The following GRIK3 variants were observed in gnomAD, a reference collection of about 807,000 sequenced individuals.
GRIK3 encodes glutamate ionotropic receptor kainate type subunit 3.
GRIK3 carries 29 observed loss-of-function variants against 102.5 expected under a neutral mutation model. The ratio of observed to expected loss-of-function variants is 0.28; its 90% CI spans 0.21 to 0.39. GRIK3 has a LOEUF of 0.39. GRIK3 is among the 10% of genes least tolerant of loss of function. The pLI, the probability that GRIK3 is intolerant of heterozygous loss-of-function variation, is 1.00. For synonymous variants in GRIK3, 511 were observed against 504.9 expected (o/e 1.01, Z -0.16); for missense variants, 908 against 1,252.4 (o/e 0.73, Z 4.15).
intron 9 of GRIK3, among the ~76,000 whole-genome samples, chr1:36,842,394 C>T (rs1001919654): frequency 1.3e-5 from 2 of 152,204 alleles, no homozygotes; most frequent in Non-Finnish European, 2.9e-5. Flanking sequence ...GAGAGCCCAG[C>T]GATCTGTGTT....
intron 7 of GRIK3, 99 bp downstream of exon 7, chr1:36,859,009 G>T (rs927039360): frequency 1.8e-6 from 2 of 1,100,316 alleles, no homozygotes; most frequent in Non-Finnish European, 2.6e-6. Flanking sequence ...AGGTCACATG[G>T]ATGAGAATCA....
intron 2 of GRIK3, among the ~76,000 whole-genome samples, chr1:36,886,324 G>A (rs984292662): frequency 2.6e-5 from 4 of 152,312 alleles, no homozygotes; most frequent in African/African-American, 9.6e-5. Context: ...GGGGAAGAAA[G>A]CAATGACGAG....
At chr1:36,822,455 C>T (rs918524924) in intron 11 of GRIK3, among the ~76,000 whole-genome samples, 1 of 152,174 alleles carries the variant, frequency 6.6e-6, no homozygotes, top group African/African-American at 2.4e-5. Flanking sequence ...CAGGCTCTAA[C>T]CCTCCTCGGC....
chr1:36,823,772 A>G (rs1322186423), intron 11 of GRIK3, among the ~76,000 whole-genome samples: 1 of 152,106 alleles, frequency 6.6e-6, no homozygotes, highest in African/African-American at 2.4e-5. Context: ...GTTGGATTTG[A>G]ACTTTATATC....
intron 1 of GRIK3, among the ~76,000 whole-genome samples, chr1:37,032,034 C>A (rs948857818): frequency 6.6e-6 from 1 of 152,160 alleles, no homozygotes; most frequent in Non-Finnish European, 1.5e-5. Flanking sequence ...TGGGCTGACA[C>A]GCTAATTAAT....
At chr1:36,946,809 GAC>G (rs900424981) in intron 1 of GRIK3, among the ~76,000 whole-genome samples, 3 of 152,068 alleles carry the variant, frequency 2.0e-5, no homozygotes, top group Non-Finnish European at 4.4e-5. Flanking sequence ...TATTCTGTGA[GAC>G]ACAAAAACCA....
chr1:36,847,478 T>C (rs1047146118), intron 9 of GRIK3, among the ~76,000 whole-genome samples: 1 of 152,312 alleles, frequency 6.6e-6, no homozygotes, highest in South Asian at 2.1e-4. Context: ...GCAGGGGTCT[T>C]TGGTGAAGTT....
chr1:36,835,374 T>C (rs1427905859), intron 10 of GRIK3, among the ~76,000 whole-genome samples: 3 of 152,240 alleles, frequency 2.0e-5, no homozygotes, highest in Non-Finnish European at 4.4e-5. Flanking sequence ...AGCTGGTGGA[T>C]AAACCTGTTT....
intron 14 of GRIK3, 119 bp from the exon 15 acceptor site, chr1:36,805,356 G>T: frequency 9.8e-7 from 1 of 1,018,290 alleles, no homozygotes; most frequent in Non-Finnish European, 1.4e-6. Flanking sequence ...CATGAAAGGG[G>T]GTCCCTATCC....
In GRIK3 at chr1:36,850,518, A is replaced by G. The variant is rs1479686591; in HGVS notation, c.1213-94T>C. ...GACCTTCATCTCATTCCCATTCATC[A>G]TGAGCCTCATTGTCATGATCATCAT... On this transcript the variant is annotated intron_variant, in intron 8 of 15. Transcript: ENST00000373091. This position sits in a 1 kb window ranked among gnomAD's most constrained non-coding sequence, Gnocchi z 4.0. 1 of 738,180 alleles carries G rather than the reference A, an allele frequency of 1.4e-6. No individual in the cohort carries two copies. Among genetic ancestry groups the G allele is most frequent in the African/African-American group, 1.7e-5 (1 of 58,852 alleles). The allele number at this position is 738,180 out of a possible 1,614,324, so 45.7% of individuals were successfully genotyped here. A position where few individuals can be genotyped will look rare whatever the true frequency, so the allele number is the denominator to read the frequency against.
chr1:36,808,408 T>C (rs912856259), intron 13 of GRIK3, among the ~76,000 whole-genome samples: 3 of 152,226 alleles, frequency 2.0e-5, no homozygotes, highest in East Asian at 3.8e-4. Context: ...TGGGATGTCA[T>C]GTCCAAAATT....
At position 36,806,206 on chromosome 1, in the gene GRIK3, T is replaced by C; in HGVS notation, c.2212A>G (p.Met738Val). ...RALTADYALLMESTTIEYVTQ... is the reference protein window; with the variant it reads ...RALTADYALLVESTTIEYVTQ... ...ACGTACTCGATGGTGGTGGACTCCATGAGCAGCGCGTAGTCGGCCGTCAGG... is the reference window on the plus strand; with the variant it reads ...ACGTACTCGATGGTGGTGGACTCCACGAGCAGCGCGTAGTCGGCCGTCAGG... Residue 738 changes from methionine to valine, a missense_variant, in exon 14 of 16, where the codon ATG (methionine) becomes GTG (valine). Physicochemically the swap from Met to Val is conservative, Grantham distance 21 (BLOSUM62 1). Transcript: ENST00000373091. The surrounding 1 kb of genome is among the most constrained non-coding windows in gnomAD (Gnocchi z 4.0). 2 of 1,614,170 alleles carry C rather than the reference T, an allele frequency of 1.2e-6. No individual in the cohort carries two copies. Among genetic ancestry groups the C allele is most frequent in the Non-Finnish European group, 1.7e-6 (2 of 1,179,984 alleles).
chr1:36,854,056 G>A (rs1640619071), intron 7 of GRIK3, among the ~76,000 whole-genome samples: 1 of 152,202 alleles, frequency 6.6e-6, no homozygotes, highest in South Asian at 2.1e-4. Context: ...GGCGGGCAGA[G>A]TAGGGCAGGT....
chr1:36,797,107 T>C lies in GRIK3; in HGVS notation c.*4744A>G, dbSNP rs1642373402. 1 of 152,062 alleles carries C rather than the reference T, an allele frequency of 6.6e-6. No homozygotes were observed. The highest frequency in any genetic ancestry group is 2.4e-5 in the African/African-American group (1 of 41,396). 9.4% of individuals were successfully genotyped at this position (152,062 alleles called of 1,614,324 possible). A position where few individuals can be genotyped will look rare whatever the true frequency, so the allele number is the denominator to read the frequency against. On this transcript the variant is annotated 3_prime_UTR_variant, in exon 16 of 16. Transcript: ENST00000373091. The stretch of plus-strand genomic sequence containing the variant: ...CTTCAGGGTCTGGAGCTCTGATGTG[T>C]GGAGGGCCTTCGCCACCCCAAGGGG...
intron 1 of GRIK3, among the ~76,000 whole-genome samples, chr1:36,926,389 G>A (rs954143791): frequency 6.7e-6 from 1 of 149,818 alleles, no homozygotes; most frequent in Non-Finnish European, 1.5e-5. Context: ...TCCCCTCTAC[G>A]CCCCACTTTT....
intron 8 of GRIK3, among the ~76,000 whole-genome samples, chr1:36,851,322 G>A (rs548904333): frequency 2.2e-4 from 34 of 152,352 alleles, no homozygotes; most frequent in Non-Finnish European, 4.0e-4. Flanking sequence ...GCTATGACCC[G>A]GCTTAGCAAA....
chr1:36,878,432 T>C (rs1640932601), intron 3 of GRIK3, among the ~76,000 whole-genome samples: 1 of 152,202 alleles, frequency 6.6e-6, no homozygotes, highest in Non-Finnish European at 1.5e-5. Flanking sequence ...TCCAATTGTC[T>C]TTTCTGAGGG....
chr1:36,857,032 C>G (rs1205054122), intron 7 of GRIK3, among the ~76,000 whole-genome samples: 1 of 152,204 alleles, frequency 6.6e-6, no homozygotes, highest in Admixed American at 6.5e-5. Context: ...ACTCACCAAT[C>G]CTCAGAACAA....
chr1:36,891,108 G>A lies in GRIK3; in HGVS notation c.116-12C>T. 6.2e-7 allele frequency: 1 copy of A among 1,602,718 alleles called. No individual in the cohort carries two copies. Among genetic ancestry groups the A allele is most frequent in the Non-Finnish European group, 8.5e-7 (1 of 1,172,518 alleles). ...CTCGAAGATTCCTCCTGTGAAAGAT[G>A]AGTAAAATTGTGTGTGGTTGGGAGG... On this transcript the variant is annotated splice_polypyrimidine_tract_variant and intron_variant, in intron 1 of 15. Transcript: ENST00000373091.
Sources: gnomAD v4.1 joint callset for allele counts (sites outside exome capture counted in the v4.1 genomes callset) on GRCh38, gnomAD v4.1.1 for gene constraint, Gnocchi (gnomAD v3.1) non-coding constraint, MANE v1.5 for transcripts, NCBI Gene and HGNC (gene_info 2026-07-23, HGNC 2026-07-21) for gene names.